Variants in PRDM16 observed in about 807,000 individuals in gnomAD.
The protein encoded by PRDM16 is histone-lysine N-methyltransferase PRDM16.
A neutral mutation model predicts 110.6 loss-of-function variants in PRDM16; 23 were observed. That is an observed-to-expected ratio of 0.21 (90% confidence interval 0.15 to 0.29). The LOEUF is 0.29. Ranked by LOEUF, PRDM16 falls within the 10% of genes least tolerant of loss-of-function variation. The pLI is 1.00. For synonymous variants in PRDM16, 799 were observed against 781.8 expected, an observed-to-expected ratio of 1.02 and a Z score of -0.37; for missense variants, 1,615 against 1,794.3, an observed-to-expected ratio of 0.90 and a Z score of 1.81.
At chr1:3,099,807 G>A (rs953179406) in intron 1 of PRDM16, among the ~76,000 whole-genome samples, 9 of 152,366 alleles carry the variant, frequency 5.9e-5, no homozygotes, top group African/African-American at 2.2e-4. Context: ...TATATGGGAG[G>A]AAATGCAGGT....
chr1:3,300,337 A>G (rs71202815), intron 3 of PRDM16, among the ~76,000 whole-genome samples: 130 of 70,280 alleles, frequency 1.8e-3, no homozygotes, highest in African/African-American at 2.6e-3. Flanking sequence ...TGCTGTGGCC[A>G]TGATGTTTCC....
intron 2 of PRDM16, among the ~76,000 whole-genome samples, chr1:3,225,258 A>G (rs533281019): frequency 3.3e-5 from 5 of 152,290 alleles, no homozygotes; most frequent in African/African-American, 1.2e-4. Flanking sequence ...CACGGATCTC[A>G]TTTCCTTTAA....
chr1:3,201,124 G>C lies in PRDM16; in HGVS notation c.387+14650G>C, dbSNP rs963274434. Among the ~76,000 whole-genome samples, 8 of 152,164 alleles carry C rather than the reference G, an allele frequency of 5.3e-5. No individual in the cohort carries two copies. Among genetic ancestry groups the C allele is most frequent in the African/African-American group, 1.9e-4 (8 of 41,452 alleles). On this transcript the variant is annotated intron_variant, in intron 2 of 16. Coordinates refer to ENST00000270722, the MANE Select transcript of PRDM16 (RefSeq NM_022114.4). This position sits in a 1 kb window ranked among gnomAD's most constrained non-coding sequence, Gnocchi z 4.1. ...GGCAGAAGGACATCAGGACCCCTGA[G>C]TTTTGGGAGCATAGACCACGCTGCC... is the stretch of plus-strand genomic sequence containing the variant.
chr1:3,306,075 C>T (rs61759195), intron 3 of PRDM16, among the ~76,000 whole-genome samples: 30,450 of 152,224 alleles, frequency 0.2, 3,679 homozygotes, highest in East Asian at 0.33. Context: ...AGGTTGTGAA[C>T]GGTTCTAACC....
intron 1 of PRDM16, among the ~76,000 whole-genome samples, chr1:3,135,617 C>T (rs1421962861): frequency 6.6e-6 from 1 of 152,162 alleles, no homozygotes; most frequent in African/African-American, 2.4e-5. Context: ...AACCCGAGCC[C>T]GCCTGACGCG....
chr1:3,177,391 G>A lies in PRDM16; in HGVS notation c.38-8734G>A, dbSNP rs141468137. On this transcript the variant is annotated intron_variant, in intron 1 of 16. Coordinates refer to ENST00000270722, the MANE Select transcript of PRDM16 (RefSeq NM_022114.4). ...GAGAACACGGGGTCGTTAGAGTGGC[G>A]TTTGAGAAGCTTCGAAATCAAGACT... Among the ~76,000 whole-genome samples the A allele has an allele frequency of 1.5e-3, 223 of 152,342 alleles. 1 individual carries two copies. The highest frequency in any genetic ancestry group is 2.2e-3 in the Non-Finnish European group (153 of 68,032).
At chr1:3,414,433 A>T in intron 9 of PRDM16, 127 bp from the exon 10 acceptor site, 1 of 684,188 alleles carries the variant, frequency 1.5e-6, no homozygotes, top group Non-Finnish European at 2.6e-6. Context: ...AGCCACGGCG[A>T]GGTCCACACC....
chr1:3,204,061 A>G (rs1342853039), intron 2 of PRDM16, among the ~76,000 whole-genome samples: 1 of 152,228 alleles, frequency 6.6e-6, no homozygotes, highest in East Asian at 1.9e-4. Context: ...TCCAGAAGTG[A>G]TTAGAACTCA....
Position 3,143,455 on chromosome 1 carries a change from A to T in PRDM16, c.38-42670A>T, listed in dbSNP as rs1448024032. Among the ~76,000 whole-genome samples, 1 of 152,086 alleles carries T rather than the reference A, an allele frequency of 6.6e-6. No homozygotes were observed. The highest frequency in any genetic ancestry group is 1.9e-4 in the East Asian group (1 of 5,182). On this transcript the variant is annotated intron_variant, in intron 1 of 16. Coordinates refer to ENST00000270722, the MANE Select transcript of PRDM16 (RefSeq NM_022114.4). This position sits in a 1 kb window ranked among gnomAD's most constrained non-coding sequence, Gnocchi z 4.5. ...CTTTCTTCTCAGCAAAGCAAATGAC[A>T]TTTGAAACTTTATTATTAGTATTAT...
intron 3 of PRDM16, among the ~76,000 whole-genome samples, chr1:3,253,333 A>T (rs1332263984): frequency 6.8e-6 from 1 of 146,544 alleles, no homozygotes; most frequent in African/African-American, 2.5e-5. Flanking sequence ...CATTAGGTAT[A>T]TCTCCTAATG....
rs186089789 is a variant in PRDM16 at position 3,190,721 on chromosome 1, G to A, written c.387+4247G>A. Among the ~76,000 whole-genome samples, 7 of 152,320 alleles carry A rather than the reference G, an allele frequency of 4.6e-5. No homozygotes were observed. Among genetic ancestry groups the A allele is most frequent in the East Asian group, 3.9e-4 (2 of 5,184 alleles). On this transcript the variant is annotated intron_variant, in intron 2 of 16. Coordinates refer to ENST00000270722, the MANE Select transcript of PRDM16 (RefSeq NM_022114.4). The surrounding 1 kb of genome is among the most constrained non-coding windows in gnomAD (Gnocchi z 5.0). The stretch of plus-strand genomic sequence containing the variant: ...TCCCAAATACCACGCCCCGCCGGTC[G>A]CCGCCGAAGCCCACCTGCCTGGAGG...
intron 1 of PRDM16, among the ~76,000 whole-genome samples, chr1:3,121,268 G>C (rs754234846): frequency 6.6e-6 from 1 of 152,324 alleles, no homozygotes; most frequent in Middle Eastern, 3.4e-3. Context: ...CCGGGGCTGC[G>C]GTGCCTCCGG....
chr1:3,254,967 C>A (rs1396465266), intron 3 of PRDM16, among the ~76,000 whole-genome samples: 2 of 152,142 alleles, frequency 1.3e-5, no homozygotes, highest in Admixed American at 6.5e-5. Context: ...AGATATAGAT[C>A]GATGGAACAG....
intron 3 of PRDM16, among the ~76,000 whole-genome samples, chr1:3,361,437 G>A (rs1026087623): frequency 6.6e-6 from 1 of 152,248 alleles, no homozygotes; most frequent in Non-Finnish European, 1.5e-5. Context: ...CCTGAAAGTT[G>A]TGTGTAGCAC....
chr1:3,257,131 A>G (rs1301012529), intron 3 of PRDM16, among the ~76,000 whole-genome samples: 3 of 152,236 alleles, frequency 2.0e-5, no homozygotes, highest in African/African-American at 2.4e-5. Context: ...AAGGTAGTCA[A>G]TGAACACTGG....
At chr1:3,160,765 CCCATTTACTTCT>C (rs1318586343) in intron 1 of PRDM16, among the ~76,000 whole-genome samples, 1 of 152,176 alleles carries the variant, frequency 6.6e-6, no homozygotes, top group Non-Finnish European at 1.5e-5. Context: ...CAAGAATGGG[CCCATTTACTTCT>C]CCCGGCTTCA....
chr1:3,407,979 G>T (rs1412006974), intron 8 of PRDM16, among the ~76,000 whole-genome samples: 2 of 152,210 alleles, frequency 1.3e-5, no homozygotes, highest in Non-Finnish European at 2.9e-5. Flanking sequence ...TTAGAAATTA[G>T]ATCAGACACA....
intron 1 of PRDM16, among the ~76,000 whole-genome samples, chr1:3,144,353 C>G (rs965429933): frequency 6.6e-6 from 1 of 152,212 alleles, no homozygotes; most frequent in Non-Finnish European, 1.5e-5. Context: ...AAAGGCTCCT[C>G]CCCATCCCAG....
At chr1:3,212,781 T>C (rs1344326391) in intron 2 of PRDM16, among the ~76,000 whole-genome samples, 1 of 151,958 alleles carries the variant, frequency 6.6e-6, no homozygotes, top group African/African-American at 2.4e-5. Context: ...TTTCCGCCGC[T>C]ACCTCGGCGT....
Sources: allele counts gnomAD v4.1 joint callset (sites outside exome capture counted in the v4.1 genomes callset), GRCh38; gene constraint gnomAD v4.1.1; non-coding constraint Gnocchi (gnomAD v3.1); transcripts MANE v1.5; gene names NCBI Gene and HGNC (gene_info 2026-07-23, HGNC 2026-07-21).